TRMT11: variants seen among roughly 807,000 people sequenced by gnomAD.
The protein encoded by TRMT11 is tRNA (guanine(10)-N(2))-methyltransferase TRMT11.
A neutral mutation model predicts 62.8 loss-of-function variants in TRMT11; 53 were observed. That is an observed-to-expected ratio of 0.84 (90% CI 0.68 to 1.06). The LOEUF is 1.06. TRMT11 is among the 50% of genes least tolerant of loss of function. The probability of loss-of-function intolerance (pLI) is 0.00; values close to 1 mark genes in which losing one functional copy is unlikely to be tolerated. For missense variants in TRMT11, 556 were observed against 553.4 expected (o/e 1.00, Z -0.05); for synonymous variants, 188 against 190.3 (o/e 0.99, Z 0.10).
chr6:126,147,618 C>T (rs527728489), intron 21 of TRMT11, among the ~76,000 whole-genome samples: 81 of 152,214 alleles, frequency 5.3e-4, no homozygotes, highest in African/African-American at 1.8e-3. Flanking sequence ...TGGAATGCTT[C>T]GTCCCTGCGG....
chr6:126,042,403 GA>G (rs895784877), downstream of TRMT11, among the ~76,000 whole-genome samples: 4 of 152,282 alleles, frequency 2.6e-5, no homozygotes, highest in African/African-American at 9.6e-5. Context: ...CTCTTTGGGG[GA>G]TGGAGGTTTA....
chr6:126,082,671 A>G (rs1033867291), intron 17 of TRMT11, among the ~76,000 whole-genome samples: 37 of 152,262 alleles, frequency 2.4e-4, no homozygotes, highest in African/African-American at 8.9e-4. Context: ...ATGGGGACTC[A>G]TAGAGCCTTG....
intron 12 of TRMT11, among the ~76,000 whole-genome samples, chr6:126,035,852 C>T (rs1332181963): frequency 3.3e-5 from 5 of 152,080 alleles, no homozygotes; most frequent in South Asian, 4.1e-4. Context: ...TGCCCTATTT[C>T]TATCCCTCTG....
rs1047942029 is a variant in TRMT11 at position 126,162,078 on chromosome 6, A to G, written c.*1824-12747A>G. On this transcript the variant is annotated intron_variant and NMD_transcript_variant, in intron 21 of 22. Transcript: ENST00000648977. Reference sequence around the variant, plus strand: ...TCTTTAGTTTAATTAGATCCTATTTATCAATTTTGGCTTTTGTTGCCGTTG... The same window carrying G: ...TCTTTAGTTTAATTAGATCCTATTTGTCAATTTTGGCTTTTGTTGCCGTTG... 3.9e-5 allele frequency among the ~76,000 whole-genome samples: 6 copies of G among 152,204 alleles called. No homozygotes were observed. The East Asian group carries it at 1.2e-3, about 29-fold the overall frequency.
intron 21 of TRMT11, among the ~76,000 whole-genome samples, chr6:126,164,310 T>A (rs1036783943): frequency 6.6e-6 from 1 of 152,244 alleles, no homozygotes; most frequent in African/African-American, 2.4e-5. Context: ...AATCCTGAGT[T>A]CTAATTTGAT....
intron 21 of TRMT11, among the ~76,000 whole-genome samples, chr6:126,138,896 A>G (rs554414633): frequency 4.4e-4 from 67 of 152,136 alleles, no homozygotes; most frequent in Non-Finnish European, 7.1e-4. Flanking sequence ...ATACCTAGAT[A>G]TGTATTTGTA....
In TRMT11 at chr6:126,059,150, CTAGGTTA is replaced by C. The variant is rs1457687714; in HGVS notation, c.*1437+5961_*1437+5967del. Among the ~76,000 whole-genome samples the C allele has an allele frequency of 1.2e-4, 18 of 150,504 alleles. No individual in the cohort carries two copies. In the East Asian group the frequency reaches 2.9e-3, roughly 25 times the overall value. ...CTTTCCGCCTTGGCCTCCCAAAGTG[CTAGGTTA>C]ACAGGCATGAGCCACTGCACCCAGC... On this transcript the variant is annotated intron_variant and NMD_transcript_variant, in intron 17 of 22. Coordinates refer to the TRMT11 transcript ENST00000648977.
At chr6:126,077,583 C>T (rs981377682) in intron 17 of TRMT11, among the ~76,000 whole-genome samples, 6 of 152,176 alleles carry the variant, frequency 3.9e-5, no homozygotes, top group Admixed American at 2.6e-4. Flanking sequence ...CTGCCTCAGC[C>T]TCCCAAAGAA....
intron 17 of TRMT11, among the ~76,000 whole-genome samples, chr6:126,084,907 G>A (rs1644060220): frequency 6.6e-6 from 1 of 152,150 alleles, no homozygotes; most frequent in Admixed American, 6.5e-5. Flanking sequence ...GAGTAGAAGG[G>A]TGGTTACCAG....
At chr6:126,243,852 G>C in the TRMT11 span, among the ~76,000 whole-genome samples, 14,007 of 152,070 alleles carry the variant, frequency 0.092, 2,115 homozygotes, top group African/African-American at 0.32. Context: ...TTCATGGGTG[G>C]AGCAAGCCAA....
chr6:126,234,315 T>A, the TRMT11 span, among the ~76,000 whole-genome samples: 1 of 152,194 alleles, frequency 6.6e-6, no homozygotes, highest in Admixed American at 6.5e-5. Flanking sequence ...GAAAGATAAA[T>A]ACTGAAATGT....
intron 16 of TRMT11, among the ~76,000 whole-genome samples, chr6:126,047,169 C>T (rs373426343): frequency 5.9e-5 from 9 of 151,914 alleles, no homozygotes; most frequent in South Asian, 2.1e-4. Flanking sequence ...AAGAGGGCAG[C>T]GCCCTGACAA....
intron 17 of TRMT11, among the ~76,000 whole-genome samples, chr6:126,055,878 T>C (rs1267371258): frequency 6.6e-6 from 1 of 152,224 alleles, no homozygotes. Flanking sequence ...TCAAAACAGT[T>C]CAAAAGCGTA....
At chr6:126,036,968 A>G (rs557086044) in intron 12 of TRMT11, among the ~76,000 whole-genome samples, 3 of 151,944 alleles carry the variant, frequency 2.0e-5, no homozygotes, top group African/African-American at 4.8e-5. Context: ...TCCTCTTGAT[A>G]TGAAAAGTCT....
At chr6:126,012,551 T>G (rs1794370360) in intron 9 of TRMT11, among the ~76,000 whole-genome samples, 1 of 152,226 alleles carries the variant, frequency 6.6e-6, no homozygotes, top group African/African-American at 2.4e-5. Flanking sequence ...TTTGTAACAC[T>G]TCCACAGCTT....
chr6:126,218,912 A>C, the TRMT11 span, among the ~76,000 whole-genome samples: 1 of 152,166 alleles, frequency 6.6e-6, no homozygotes, highest in East Asian at 1.9e-4. Flanking sequence ...CCCTCTGGCT[A>C]GGGCTGGTCT....
At chr6:126,023,700 G>A (rs1796158900) in intron 12 of TRMT11, among the ~76,000 whole-genome samples, 1 of 152,076 alleles carries the variant, frequency 6.6e-6, no homozygotes, top group South Asian at 2.1e-4. Context: ...GCAATAATAT[G>A]TTGTATGTTG....
the TRMT11 span, among the ~76,000 whole-genome samples, chr6:126,239,229 T>C: frequency 6.6e-6 from 1 of 152,358 alleles, no homozygotes; most frequent in East Asian, 1.9e-4. Flanking sequence ...TATTGTTATG[T>C]GTGAATTTGA....
chr6:126,057,966 T>C (rs1207658369), intron 17 of TRMT11, among the ~76,000 whole-genome samples: 6 of 152,146 alleles, frequency 3.9e-5, no homozygotes, highest in Admixed American at 3.9e-4. Context: ...TTTCTTTTTT[T>C]TTTTCAATTA....
Sources: allele counts gnomAD v4.1 joint callset (sites outside exome capture counted in the v4.1 genomes callset), GRCh38; gene constraint gnomAD v4.1.1; transcripts MANE v1.5; gene names NCBI Gene and HGNC (gene_info 2026-07-23, HGNC 2026-07-21).